The following SNX30 variants were observed in gnomAD, a reference collection of about 807,000 sequenced individuals.
SNX30 encodes sorting nexin-30.
SNX30 carries 24 observed loss-of-function variants against 46.4 expected under a neutral mutation model. The observed-to-expected ratio is 0.52, with a 90% CI of 0.37 to 0.73. The LOEUF (loss-of-function observed/expected upper bound fraction) is 0.73. SNX30 is among the 30% of genes least tolerant of loss of function. The pLI is 0.00. For synonymous variants in SNX30, 189 were observed against 211.5 expected, an observed-to-expected ratio of 0.89 and a Z score of 0.92; for missense variants, 533 against 555.7, an observed-to-expected ratio of 0.96 and a Z score of 0.41.
intron 1 of SNX30, among the ~76,000 whole-genome samples, chr9:112,789,348 C>T (rs1443237367): frequency 6.6e-6 from 1 of 152,128 alleles, no homozygotes. Context: ...CCAAGCTCTC[C>T]CCCAGCCTTG....
rs1189153406 is a variant in SNX30 at position 112,861,260 on chromosome 9, C to T, written c.1102-2987C>T. On this transcript the variant is annotated intron_variant, in intron 7 of 8. Coordinates refer to ENST00000374232, the MANE Select transcript of SNX30 (RefSeq NM_001012994.2). Reference sequence around the variant, plus strand: ...TGTTATTAATATTTGTGCAGGAAGGCTATGTGTCCTGGACCATGAAGAAAA... The same window carrying T: ...TGTTATTAATATTTGTGCAGGAAGGTTATGTGTCCTGGACCATGAAGAAAA... Among the ~76,000 whole-genome samples the T allele has an allele frequency of 2.0e-5, 3 of 152,208 alleles. No homozygotes were observed. In the East Asian group the frequency reaches 5.8e-4, roughly 29 times the overall value.
chr9:112,833,962 C>G (rs1295405298), intron 4 of SNX30, among the ~76,000 whole-genome samples: 1 of 152,044 alleles, frequency 6.6e-6, no homozygotes, highest in Non-Finnish European at 1.5e-5. Flanking sequence ...ATGGGTCAGC[C>G]TTGGGTGTAT....
At chr9:112,877,236 A>C (rs1378337229), downstream of SNX30, 1 of 152,352 alleles carries the variant, frequency 6.6e-6, no homozygotes, top group East Asian at 1.9e-4. Context: ...GCTGGAGTTG[A>C]AAAGGAGCCA....
Position 112,868,812 on chromosome 9 carries a change from CA to C in SNX30, c.1284del (p.Leu429TyrfsTer66). 6.2e-7 allele frequency: 1 copy of C among 1,614,068 alleles called. No individual in the cohort carries two copies. Among genetic ancestry groups the C allele is most frequent in the Non-Finnish European group, 8.5e-7 (1 of 1,179,970 alleles). Reference protein sequence around the residue: ...KCLMAWESIIPLLQEKQEAK With the variant: ...KCLMAWESIIXLLQEKQEAK ...CTCATGGCGTGGGAGTCGATTATTC[CA>C]CTACTGCAGGAGAAACAAGAGGCCA... is the stretch of plus-strand genomic sequence containing the variant. On this transcript the variant is annotated frameshift_variant, in exon 9 of 9. Transcript: ENST00000374232. LOFTEE classifies it high-confidence loss of function.
intron 1 of SNX30, among the ~76,000 whole-genome samples, chr9:112,794,799 G>A (rs923443135): frequency 3.3e-5 from 5 of 152,234 alleles, no homozygotes; most frequent in African/African-American, 7.2e-5. Context: ...GACCATAATG[G>A]TGTATCTTAA....
intron 4 of SNX30, among the ~76,000 whole-genome samples, chr9:112,832,180 C>T (rs745617792): frequency 1.3e-5 from 2 of 151,878 alleles, no homozygotes; most frequent in Non-Finnish European, 2.9e-5. Context: ...GCTTTCCCCC[C>T]CTACAGGTTG....
chr9:112,785,590 A>G (rs188696202), intron 1 of SNX30, among the ~76,000 whole-genome samples: 24 of 151,884 alleles, frequency 1.6e-4, no homozygotes, highest in Non-Finnish European at 2.4e-4. Context: ...TGCCATCTTG[A>G]CCTGGCTGGT....
At position 112,873,413 on chromosome 9, in the gene SNX30, C is replaced by G. The variant is rs1309291718; in HGVS notation, c.*4570C>G. ...TACTAATATGCCTTATTCTTCTTCA[C>G]CTAGTGTTTTAAAAGTCCTGGGTAG... is the stretch of plus-strand genomic sequence containing the variant. On this transcript the variant is annotated 3_prime_UTR_variant, in exon 9 of 9. Coordinates refer to ENST00000374232, the MANE Select transcript of SNX30 (RefSeq NM_001012994.2). 2.0e-5 allele frequency: 3 copies of G among 152,106 alleles called. No homozygotes were observed. The highest frequency in any genetic ancestry group is 4.4e-5 in the Non-Finnish European group (3 of 68,032). 9.4% of individuals were successfully genotyped at this position (152,106 alleles called of 1,614,324 possible). A position where few individuals can be genotyped will look rare whatever the true frequency, so the allele number is the denominator to read the frequency against.
chr9:112,842,925 G>T (rs916023812), intron 6 of SNX30, among the ~76,000 whole-genome samples: 1 of 152,010 alleles, frequency 6.6e-6, no homozygotes, highest in African/African-American at 2.4e-5. Flanking sequence ...AGGTACAAAA[G>T]GTTAGTTACC....
chr9:112,808,935 A>G (rs771083955), intron 2 of SNX30, among the ~76,000 whole-genome samples: 8 of 152,240 alleles, frequency 5.3e-5, no homozygotes, highest in Admixed American at 1.3e-4. Context: ...AAATACTATT[A>G]TCTTACAAAT....
intron 2 of SNX30, among the ~76,000 whole-genome samples, chr9:112,810,197 G>T (rs911004843): frequency 1.3e-5 from 2 of 152,142 alleles, no homozygotes; most frequent in Non-Finnish European, 2.9e-5. Context: ...ACTTTTATGG[G>T]CTTTTTGATA....
chr9:112,787,622 G>C (rs984764605), intron 1 of SNX30, among the ~76,000 whole-genome samples: 2 of 151,616 alleles, frequency 1.3e-5, no homozygotes, highest in African/African-American at 4.8e-5. Flanking sequence ...ATAATTATAG[G>C]TTCTCTCCTA....
At chr9:112,773,155 GC>G (rs770922644) in intron 1 of SNX30, among the ~76,000 whole-genome samples, 1 of 152,156 alleles carries the variant, frequency 6.6e-6, no homozygotes, top group Non-Finnish European at 1.5e-5. Context: ...AGAGAATAGA[GC>G]CTTTAGAGTT....
chr9:112,786,446 T>C (rs1010815759), intron 1 of SNX30, among the ~76,000 whole-genome samples: 1 of 152,094 alleles, frequency 6.6e-6, no homozygotes, highest in Non-Finnish European at 1.5e-5. Context: ...GACTTCATTT[T>C]ACACCTCATA....
At chr9:112,790,309 T>C (rs891074961) in intron 1 of SNX30, among the ~76,000 whole-genome samples, 3 of 152,254 alleles carry the variant, frequency 2.0e-5, no homozygotes, top group Non-Finnish European at 2.9e-5. Flanking sequence ...AATGATTATA[T>C]GTACTAGTCA....
chr9:112,758,850 AAC>A (rs141854849), intron 1 of SNX30, among the ~76,000 whole-genome samples: 5,298 of 149,722 alleles, frequency 0.035, 294 homozygotes, highest in African/African-American at 0.12. Context: ...GTCTCTGTTA[AAC>A]ACACACACAC....
chr9:112,778,076 T>C (rs1839778386), intron 1 of SNX30, among the ~76,000 whole-genome samples: 1 of 152,004 alleles, frequency 6.6e-6, no homozygotes, highest in South Asian at 2.1e-4. Flanking sequence ...CTAAGGTGAC[T>C]CACTTGTGGC....
At chr9:112,784,014 G>T (rs1588114765) in intron 1 of SNX30, among the ~76,000 whole-genome samples, 1 of 152,180 alleles carries the variant, frequency 6.6e-6, no homozygotes, top group East Asian at 1.9e-4. Flanking sequence ...GTTGAACTTG[G>T]GTTTATTCAA....
At chr9:112,866,084 A>G (rs1284815512) in intron 8 of SNX30, among the ~76,000 whole-genome samples, 2 of 152,122 alleles carry the variant, frequency 1.3e-5, no homozygotes, top group African/African-American at 4.8e-5. Context: ...TATTGCTTCT[A>G]TACATATTTA....
Sources: gnomAD v4.1 joint callset for allele counts (sites outside exome capture counted in the v4.1 genomes callset) on GRCh38, gnomAD v4.1.1 for gene constraint, MANE v1.5 for transcripts, NCBI Gene and HGNC (gene_info 2026-07-23, HGNC 2026-07-21) for gene names.